Variants in ROR2 observed in about 807,000 individuals in gnomAD.
ROR2 encodes tyrosine-protein kinase transmembrane receptor ROR2.
Under a neutral mutation model 74.9 loss-of-function variants are expected in ROR2, and 33 were observed. The ratio of observed to expected loss-of-function variants is 0.44; its 90% CI spans 0.33 to 0.59. ROR2 has a LOEUF of 0.59. Ranked by LOEUF, ROR2 falls within the 20% of genes least tolerant of loss-of-function variation. The probability of loss-of-function intolerance (pLI) is 0.02; values close to 1 mark genes in which losing one functional copy is unlikely to be tolerated. For synonymous variants in ROR2, 586 were observed against 558.7 expected (o/e 1.05, Z -0.69); for missense variants, 1,216 against 1,313.8 (o/e 0.93, Z 1.15).
At chr9:91,819,484 CTT>C (rs1341834333) in intron 1 of ROR2, among the ~76,000 whole-genome samples, 3 of 151,208 alleles carry the variant, frequency 2.0e-5, no homozygotes, top group South Asian at 4.2e-4. Context: ...CTTTGTGTAT[CTT>C]TGTGTCTCTG....
At chr9:91,896,027 C>T (rs577800863) in intron 1 of ROR2, among the ~76,000 whole-genome samples, 6 of 152,120 alleles carry the variant, frequency 3.9e-5, no homozygotes, top group Non-Finnish European at 7.3e-5. Flanking sequence ...GAGCCCATGT[C>T]ACAATCTTTC....
intron 1 of ROR2, among the ~76,000 whole-genome samples, chr9:91,874,384 T>G (rs1829897676): frequency 6.6e-6 from 1 of 152,142 alleles, no homozygotes; most frequent in African/African-American, 2.4e-5. Flanking sequence ...CTGCACTTAT[T>G]CTACTCATTA....
chr9:91,880,383 G>A (rs927775561), intron 1 of ROR2, among the ~76,000 whole-genome samples: 1 of 152,152 alleles, frequency 6.6e-6, no homozygotes, highest in Non-Finnish European at 1.5e-5. Flanking sequence ...AACTAATGCC[G>A]TAATAAAATA....
At chr9:91,948,826 C>T (rs1251103165) in intron 1 of ROR2, 1 of 985,420 alleles carries the variant, frequency 1.0e-6, no homozygotes, top group East Asian at 1.1e-4. Context: ...GCTCCTGGGC[C>T]TGAAGGCCCC....
chr9:91,824,259 C>T (rs1828219110), intron 1 of ROR2, among the ~76,000 whole-genome samples: 1 of 152,202 alleles, frequency 6.6e-6, no homozygotes, highest in African/African-American at 2.4e-5. Context: ...TGAAGCTGGG[C>T]ATTACATCCA....
At chr9:91,878,559 A>G (rs1385431631) in intron 1 of ROR2, among the ~76,000 whole-genome samples, 1 of 152,226 alleles carries the variant, frequency 6.6e-6, no homozygotes, top group Non-Finnish European at 1.5e-5. Flanking sequence ...CAGTAATCCC[A>G]GAAGCTCCCC....
chr9:91,909,064 C>T (rs1048965901), intron 1 of ROR2, among the ~76,000 whole-genome samples: 3 of 152,200 alleles, frequency 2.0e-5, no homozygotes, highest in African/African-American at 7.2e-5. Context: ...GGGCCTAACG[C>T]AACATGCTGC....
chr9:91,724,113 G>A lies in ROR2; in HGVS notation c.2381C>T (p.Pro794Leu), dbSNP rs374141378. ...GATGAACTGGGGCTGTGGGAAGGGC[G>A]GGGCCTTCTGCTTGGGCCCCACGTA... ...ARYVGPKQKA[P>L]PFPQPQFIPM... is the part of the protein sequence containing the mutation. Residue 794 changes from proline (P) to leucine (L), a missense_variant, in exon 9 of 9, where the codon CCG (proline) becomes CTG (leucine). Coordinates refer to ENST00000375708, the MANE Select transcript of ROR2 (RefSeq NM_004560.4). 3.0e-5 allele frequency: 49 copies of A among 1,610,668 alleles called. No individual in the cohort carries two copies. The African/African-American group carries it at 3.5e-4, about 11-fold the overall frequency.
chr9:91,812,451 G>A (rs1435738068), intron 1 of ROR2, among the ~76,000 whole-genome samples: 1 of 152,050 alleles, frequency 6.6e-6, no homozygotes, highest in Non-Finnish European at 1.5e-5. Flanking sequence ...GCTAATCCAC[G>A]GATTGATGGT....
intron 1 of ROR2, among the ~76,000 whole-genome samples, chr9:91,868,639 A>C (rs889597556): frequency 1.3e-5 from 2 of 152,216 alleles, no homozygotes; most frequent in African/African-American, 4.8e-5. Context: ...GTTAAAAACA[A>C]TGAAGGCCAG....
intron 1 of ROR2, among the ~76,000 whole-genome samples, chr9:91,879,537 C>T (rs1333788942): frequency 6.6e-6 from 1 of 151,898 alleles, no homozygotes; most frequent in African/African-American, 2.4e-5. Context: ...ATGTCCCCCA[C>T]TGCAGAGGCA....
intron 1 of ROR2, among the ~76,000 whole-genome samples, chr9:91,843,187 G>A (rs2841691): frequency 0.25 from 38,641 of 152,126 alleles, 5,333 homozygotes; most frequent in Admixed American, 0.42. Flanking sequence ...AGTGGCCTGC[G>A]GCCCTGCAAA....
At position 91,724,168 on chromosome 9, in the gene ROR2, T is replaced by G; in HGVS notation, c.2326A>C (p.Ser776Arg). Residue 776 changes from serine (S) to arginine (R), a missense_variant, in exon 9 of 9, where the codon AGC becomes CGC. By Grantham distance (110) the Ser-to-Arg change is moderately radical. Coordinates refer to ENST00000375708, the MANE Select transcript of ROR2 (RefSeq NM_004560.4). Reference protein sequence around the residue: ...NTTQTSSLSTSPVSNVSNARY... With the variant: ...NTTQTSSLSTRPVSNVSNARY... ...GCGTTGCTCACATTGCTCACTGGGC[T>G]GGTGCTCAGGGAGCTGGTCTGCGTG... is the stretch of plus-strand genomic sequence containing the variant. 1 of 1,612,428 alleles carries G rather than the reference T, an allele frequency of 6.2e-7. No homozygotes were observed. The highest frequency in any genetic ancestry group is 8.5e-7 in the Non-Finnish European group (1 of 1,180,012).
intron 1 of ROR2, among the ~76,000 whole-genome samples, chr9:91,855,183 A>T (rs1313818798): frequency 6.6e-6 from 1 of 152,198 alleles, no homozygotes; most frequent in African/African-American, 2.4e-5. Context: ...ACCCACGTTC[A>T]CATTAGACTC....
chr9:91,793,973 A>T (rs1248834031), intron 1 of ROR2, among the ~76,000 whole-genome samples: 1 of 152,174 alleles, frequency 6.6e-6, no homozygotes, highest in Non-Finnish European at 1.5e-5. Context: ...GCTGCACCAT[A>T]AGGACTTCTA....
chr9:91,731,197 C>A (rs775733145), intron 6 of ROR2, 42 bp from the exon 7 acceptor site: 4 of 1,612,754 alleles, frequency 2.5e-6, no homozygotes, highest in East Asian at 2.2e-5. Flanking sequence ...CGGGGTACAA[C>A]AAAACCATTC....
intron 2 of ROR2, among the ~76,000 whole-genome samples, chr9:91,758,816 T>C (rs1587691902): frequency 6.6e-6 from 1 of 152,298 alleles, no homozygotes; most frequent in East Asian, 1.9e-4. Context: ...GGTGCACATG[T>C]ATGTGTGTGC....
chr9:91,888,798 T>G (rs1830352267), intron 1 of ROR2, among the ~76,000 whole-genome samples: 1 of 152,212 alleles, frequency 6.6e-6, no homozygotes, highest in Non-Finnish European at 1.5e-5. Flanking sequence ...CAGAGACCTC[T>G]GGCTGGCTGT....
chr9:91,930,205 A>C (rs1253431365), intron 1 of ROR2, among the ~76,000 whole-genome samples: 1 of 152,216 alleles, frequency 6.6e-6, no homozygotes, highest in Non-Finnish European at 1.5e-5. Flanking sequence ...CACATGCTGG[A>C]AACAATCAGT....
Sources: allele counts gnomAD v4.1 joint callset (sites outside exome capture counted in the v4.1 genomes callset), GRCh38; gene constraint gnomAD v4.1.1; transcripts MANE v1.5; gene names NCBI Gene and HGNC (gene_info 2026-07-23, HGNC 2026-07-21).